TRIP12: variants seen among roughly 807,000 people sequenced by gnomAD.
TRIP12 encodes the protein thyroid hormone receptor interactor 12, also known as E3 ubiquitin-protein ligase TRIP12.
TRIP12 carries 25 observed loss-of-function variants against 244.2 expected under a neutral mutation model. That is an observed-to-expected ratio of 0.10 (90% confidence interval 0.07 to 0.14). The LOEUF is 0.14. TRIP12 is among the 10% of genes least tolerant of loss of function. TRIP12 has a pLI of 1.00. For missense variants in TRIP12, 1,677 were observed against 2,486.4 expected, an observed-to-expected ratio of 0.67 and a Z score of 6.92; for synonymous variants, 905 against 873.1, an observed-to-expected ratio of 1.04 and a Z score of -0.64.
chr2:229,829,305 G>C lies in TRIP12; in HGVS notation c.1355-17C>G. 6.2e-7 allele frequency: 1 copy of C among 1,602,224 alleles called. No individual in the cohort carries two copies. The highest frequency in any genetic ancestry group is 1.3e-5 in the African/African-American group (1 of 74,396). On this transcript the variant is annotated splice_polypyrimidine_tract_variant and intron_variant, in intron 7 of 41. Transcript: ENST00000675903. The stretch of plus-strand genomic sequence containing the variant: ...CTAACAAAGCTAAAGAAAAAAGAAG[G>C]GCAGAGTGAACAACTAAGATGACTT...
chr2:229,832,146 T>G (rs185677004), intron 6 of TRIP12, among the ~76,000 whole-genome samples: 3 of 152,256 alleles, frequency 2.0e-5, no homozygotes, highest in African/African-American at 7.2e-5. Flanking sequence ...CTATGTAACT[T>G]CATTATTGGG....
At chr2:229,912,642 C>G (rs1185411898) in intron 1 of TRIP12, among the ~76,000 whole-genome samples, 1 of 152,188 alleles carries the variant, frequency 6.6e-6, no homozygotes, top group South Asian at 2.1e-4. Context: ...AGAACTGAAC[C>G]TCTCTAAACT....
At chr2:229,850,770 G>A (rs1348927011) in intron 4 of TRIP12, among the ~76,000 whole-genome samples, 1 of 152,236 alleles carries the variant, frequency 6.6e-6, no homozygotes, top group Admixed American at 6.5e-5. Context: ...GGGCCAGCTG[G>A]AGTTCCGGGT....
At position 229,767,155 on chromosome 2, in the gene TRIP12, T is replaced by TG. The variant is rs2032052852; in HGVS notation, c.*398dup. On this transcript the variant is annotated 3_prime_UTR_variant, in exon 42 of 42. Transcript: ENST00000675903. Reference sequence around the variant, plus strand: ...AATTTCTGTACTTATGTACAAGAGTTGTCTTTGGAGGAAAGAAAACTGCAG... The same window carrying TG: ...AATTTCTGTACTTATGTACAAGAGTTGGTCTTTGGAGGAAAGAAAACTGCAG... 6.1e-6 allele frequency: 1 copy of TG among 163,090 alleles called. No individual in the cohort carries two copies. The highest frequency in any genetic ancestry group is 2.0e-4 in the South Asian group (1 of 4,974). The allele number at this position is 163,090 out of a possible 1,614,324, so 10.1% of individuals were successfully genotyped here.
intron 34 of TRIP12, among the ~76,000 whole-genome samples, chr2:229,782,119 T>C (rs1224105592): frequency 6.6e-6 from 1 of 152,092 alleles, no homozygotes; most frequent in Non-Finnish European, 1.5e-5. Flanking sequence ...ACTAAAAACA[T>C]ACCAAATGGT....
At chr2:229,856,149 C>T (rs2154333118) in intron 4 of TRIP12, among the ~76,000 whole-genome samples, 1 of 152,068 alleles carries the variant, frequency 6.6e-6, no homozygotes, top group East Asian at 1.9e-4. Context: ...AACGCTGGTT[C>T]CATTCTCTTG....
chr2:229,808,733 C>T (rs749023412), intron 15 of TRIP12, among the ~76,000 whole-genome samples: 30 of 152,160 alleles, frequency 2.0e-4, no homozygotes, highest in Non-Finnish European at 3.5e-4. Context: ...ATGTACTTGT[C>T]TTCAATTCAA....
chr2:229,874,888 T>C (rs1437710851), intron 2 of TRIP12, among the ~76,000 whole-genome samples: 1 of 152,170 alleles, frequency 6.6e-6, no homozygotes, highest in Non-Finnish European at 1.5e-5. Flanking sequence ...TGCTATAAAA[T>C]TAAATTCAAT....
rs894338910 is a variant in TRIP12, at chr2:229,847,815, T to G, written c.1028-6888A>C. Among the ~76,000 whole-genome samples the G allele has an allele frequency of 2.0e-5, 3 of 152,178 alleles. No individual in the cohort carries two copies. In the East Asian group the frequency reaches 5.8e-4, roughly 29 times the overall value. On this transcript the variant is annotated intron_variant, in intron 4 of 41. Transcript: ENST00000675903. ...TTGTACAGCTGGGTAACCATTCCTC[T>G]CCTGGTTCCAGCAAAAAACAAGACC...
chr2:229,899,390 G>T (rs1185615446), intron 1 of TRIP12, among the ~76,000 whole-genome samples: 1 of 152,218 alleles, frequency 6.6e-6, no homozygotes, highest in Non-Finnish European at 1.5e-5. Flanking sequence ...AGGAAAACCA[G>T]CAAGAATGAG....
At chr2:229,876,424 T>C (rs1022494316) in intron 2 of TRIP12, among the ~76,000 whole-genome samples, 1 of 152,202 alleles carries the variant, frequency 6.6e-6, no homozygotes, top group Non-Finnish European at 1.5e-5. Flanking sequence ...CTCATCTCAT[T>C]TGCATTCTTA....
At chr2:229,863,934 C>T (rs1247523322) in intron 2 of TRIP12, among the ~76,000 whole-genome samples, 4 of 149,700 alleles carry the variant, frequency 2.7e-5, no homozygotes, top group African/African-American at 7.4e-5. Flanking sequence ...TAGTAAAATG[C>T]ATGACAAACT....
intron 1 of TRIP12, among the ~76,000 whole-genome samples, chr2:229,915,507 T>C (rs1468671338): frequency 1.3e-5 from 2 of 152,230 alleles, no homozygotes; most frequent in African/African-American, 4.8e-5. Flanking sequence ...CAGTATCTTA[T>C]TTTATTTTCA....
intron 1 of TRIP12, among the ~76,000 whole-genome samples, chr2:229,914,589 C>T (rs774426703): frequency 8.5e-5 from 13 of 152,176 alleles, no homozygotes; most frequent in Non-Finnish European, 1.6e-4. Flanking sequence ...TCCAGGGCAT[C>T]GCACATGTTT....
intron 32 of TRIP12, among the ~76,000 whole-genome samples, chr2:229,787,975 G>T (rs1248553590): frequency 6.6e-6 from 1 of 151,994 alleles, no homozygotes; most frequent in Non-Finnish European, 1.5e-5. Context: ...GCTAATTTTT[G>T]TATTTTTAGT....
chr2:229,861,946 T>C lies in TRIP12; in HGVS notation c.99-1415A>G, dbSNP rs564047880. Among the ~76,000 whole-genome samples the C allele has an allele frequency of 2.6e-5, 4 of 152,340 alleles. No homozygotes were observed. The East Asian group carries it at 7.7e-4, about 29-fold the overall frequency. The stretch of plus-strand genomic sequence containing the variant: ...TTCAAGTGTTATTAGTCTTCACTTT[T>C]AGTAATGAAAGGACACATATACTTC... On this transcript the variant is annotated intron_variant, in intron 2 of 41. Transcript: ENST00000675903.
intron 2 of TRIP12, among the ~76,000 whole-genome samples, chr2:229,878,968 A>G (rs2064244966): frequency 6.6e-6 from 1 of 151,772 alleles, no homozygotes; most frequent in African/African-American, 2.4e-5. Context: ...ATTAGAATTC[A>G]GCAGCTGAGC....
chr2:229,868,703 G>A (rs2061987651), intron 2 of TRIP12, among the ~76,000 whole-genome samples: 1 of 152,168 alleles, frequency 6.6e-6, no homozygotes, highest in Non-Finnish European at 1.5e-5. Context: ...ATAAAAGGAA[G>A]GCACTCACAC....
Position 229,903,717 on chromosome 2 carries a change from T to C in TRIP12, c.-50+18163A>G, listed in dbSNP as rs73103515. On this transcript the variant is annotated intron_variant, in intron 1 of 41. Coordinates refer to ENST00000675903, the MANE Select transcript of TRIP12 (RefSeq NM_001348323.3). ...AAAAGATAAGGGAGGAAAATTTCAT[T>C]TAAAAACATGGTTTTGGCCAGGCGC... Among the ~76,000 whole-genome samples, 802 of 152,068 alleles carry C rather than the reference T, an allele frequency of 5.3e-3. 9 individuals are homozygous for C. The highest frequency in any genetic ancestry group is 0.019 in the African/African-American group (776 of 41,470).
Sources: gnomAD v4.1 joint callset for allele counts (sites outside exome capture counted in the v4.1 genomes callset) on GRCh38, gnomAD v4.1.1 for gene constraint, MANE v1.5 for transcripts, NCBI Gene and HGNC (gene_info 2026-07-23, HGNC 2026-07-21) for gene names.